The following PIK3R4 variants were observed in gnomAD, a reference collection of about 807,000 sequenced individuals.
PIK3R4 encodes phosphoinositide 3-kinase regulatory subunit 4.
In PIK3R4, 46 loss-of-function variants were observed where a neutral mutation model predicts 136.5. That is an observed-to-expected ratio of 0.34 (90% CI 0.27 to 0.43). The LOEUF (loss-of-function observed/expected upper bound fraction) is 0.43. PIK3R4 is among the 20% of genes least tolerant of loss of function. The pLI is 1.00. For synonymous variants in PIK3R4, 557 were observed against 566.7 expected, an observed-to-expected ratio of 0.98 and a Z score of 0.24; for missense variants, 1,331 against 1,649.5, an observed-to-expected ratio of 0.81 and a Z score of 3.35.
At position 130,744,751 on chromosome 3, in the gene PIK3R4, G is replaced by T; in HGVS notation, c.468C>A (p.Val156=). Residue 156 remains valine, a synonymous_variant, in exon 2 of 20, where the codon GTC becomes GTA. Transcript: ENST00000356763. ...HGDIKTENVM[V]TSWNWVLLTD... ...TTAGAAGAACCCAATTCCAACTGGT[G>T]ACCATCACATTCTCAGTCTTGATGT... The T allele has an allele frequency of 6.2e-7, 1 of 1,614,224 alleles. No individual in the cohort carries two copies.
At chr3:130,711,141 G>C (rs2107610260) in intron 9 of PIK3R4, among the ~76,000 whole-genome samples, 1 of 152,052 alleles carries the variant, frequency 6.6e-6, no homozygotes, top group East Asian at 1.9e-4. Context: ...TTCAGCTTCT[G>C]ACCATGATGA....
rs138415235 is a variant in PIK3R4, at chr3:130,689,450, A to G, written c.3263+1040T>C. 3.7e-3 allele frequency among the ~76,000 whole-genome samples: 564 copies of G among 152,338 alleles called. 1 individual carries two copies. Among genetic ancestry groups the G allele is most frequent in the African/African-American group, 0.013 (526 of 41,574 alleles). On this transcript the variant is annotated intron_variant, in intron 14 of 19. Coordinates refer to ENST00000356763, the MANE Select transcript of PIK3R4 (RefSeq NM_014602.3). ...AAAATAGGCTGGTATTTGTTATTAA[A>G]GGCCATAAAGAATATGTCCTGGACA...
In PIK3R4 at chr3:130,728,581, C is replaced by G. The variant is rs2066745601; in HGVS notation, c.1689G>C (p.Arg563=). ...KQTLMENGIT[R]LCVFFGRQKA... is the part of the protein sequence containing the mutation. ...TCTGACGTCCAAAGAATACACACAG[C>G]CGTGTTATTCCATTTTCCATCAAGG... The change falls in exon 6 of 20, where the codon CGG becomes CGC. Residue 563 remains arginine (R), a synonymous_variant. Coordinates refer to ENST00000356763, the MANE Select transcript of PIK3R4 (RefSeq NM_014602.3). The G allele has an allele frequency of 6.2e-7, 1 of 1,612,536 alleles. No individual in the cohort carries two copies. The highest frequency in any genetic ancestry group is 1.7e-5 in the Admixed American group (1 of 59,894).
rs1231883270 is a variant in PIK3R4 at position 130,723,839 on chromosome 3, GGAA to G, written c.1808-255_1808-253del. 14 of 318,768 alleles carry G rather than the reference GGAA, an allele frequency of 4.4e-5. No homozygotes were observed. In the South Asian group the frequency reaches 5.1e-4, roughly 12 times the overall value. The allele number at this position is 318,768 out of a possible 1,614,324, so 19.7% of individuals were successfully genotyped here. ...AATGAAAATATAGGTCTCCTAAAAA[GGAA>G]GAAGAATCAGACTGTAATTATATAA... On this transcript the variant is annotated intron_variant, in intron 6 of 19. Coordinates refer to ENST00000356763, the MANE Select transcript of PIK3R4 (RefSeq NM_014602.3).
intron 14 of PIK3R4, among the ~76,000 whole-genome samples, chr3:130,689,524 G>A (rs1428896961): frequency 6.6e-6 from 1 of 152,160 alleles, no homozygotes; most frequent in Non-Finnish European, 1.5e-5. Flanking sequence ...CTTTTTAAAT[G>A]CAAAAAGCAA....
chr3:130,718,542 G>A lies in PIK3R4; in HGVS notation c.1982-8C>T, dbSNP rs2066680026. On this transcript the variant is annotated splice_polypyrimidine_tract_variant and splice_region_variant and intron_variant, in intron 7 of 19. Coordinates refer to ENST00000356763, the MANE Select transcript of PIK3R4 (RefSeq NM_014602.3). ...GATGACACAGGAAGGGGGCTAAAGA[G>A]GAAAAGAAAAGGTAGGGATCAAATA... The A allele has an allele frequency of 6.2e-7, 1 of 1,612,974 alleles. No individual in the cohort carries two copies. The highest frequency in any genetic ancestry group is 1.3e-5 in the African/African-American group (1 of 74,936).
At chr3:130,692,550 A>C (rs951644597) in intron 13 of PIK3R4, among the ~76,000 whole-genome samples, 7 of 152,228 alleles carry the variant, frequency 4.6e-5, no homozygotes, top group African/African-American at 1.7e-4. Context: ...TTTTAGGCTT[A>C]ATATTATTCC....
Position 130,706,959 on chromosome 3 carries a change from T to A in PIK3R4, c.2710A>T (p.Thr904Ser). ...SSAGICVPLS[T>S]SSQVPEVTTV... ...GGGTGACACAGTACCTGTGAAGAAG[T>A]TGACAAAGGGACACAAATGCCAGCA... The change falls in exon 11 of 20, where the codon ACT (threonine) becomes TCT (serine). Residue 904 changes from threonine to serine, a missense_variant. Around this residue, in one of 2 missense-constraint regions of PIK3R4, gnomAD observed 1,180 missense variants for 1,407.0 expected, o/e 0.84. Transcript: ENST00000356763. 6.2e-7 allele frequency: 1 copy of A among 1,608,440 alleles called. No individual in the cohort carries two copies. Among genetic ancestry groups the A allele is most frequent in the South Asian group, 1.1e-5 (1 of 89,902 alleles).
intron 16 of PIK3R4, among the ~76,000 whole-genome samples, chr3:130,682,673 CCTT>C (rs2066466412): frequency 6.6e-6 from 1 of 152,186 alleles, no homozygotes. Context: ...TCCCCTCATG[CCTT>C]CTACTGCTAC....
chr3:130,735,971 A>G lies in PIK3R4; in HGVS notation c.765T>C (p.Gly255=), dbSNP rs769880499. 6.2e-7 allele frequency: 1 copy of G among 1,611,156 alleles called. No homozygotes were observed. The highest frequency in any genetic ancestry group is 8.5e-7 in the Non-Finnish European group (1 of 1,178,922). ...GCVIAELFTE[G]VPLFDLSQLL... is the part of the protein sequence containing the mutation. Reference sequence around the variant, plus strand: ...GTTGAGAGAGATCAAATAATGGTACACCTTCTGTAAAAAGCTCAGCTATCA... The same window carrying G: ...GTTGAGAGAGATCAAATAATGGTACGCCTTCTGTAAAAAGCTCAGCTATCA... The change falls in exon 3 of 20, where the codon GGT becomes GGC. Residue 255 remains glycine, a synonymous_variant. Coordinates refer to ENST00000356763, the MANE Select transcript of PIK3R4 (RefSeq NM_014602.3).
chr3:130,712,339 A>G (rs1465993867), intron 9 of PIK3R4, among the ~76,000 whole-genome samples: 2 of 152,154 alleles, frequency 1.3e-5, no homozygotes, highest in Non-Finnish European at 2.9e-5. Flanking sequence ...TGCAGAAGCT[A>G]AAAATATGGT....
chr3:130,687,924 C>G (rs867141868), intron 14 of PIK3R4, among the ~76,000 whole-genome samples: 7 of 152,118 alleles, frequency 4.6e-5, no homozygotes, highest in Non-Finnish European at 7.4e-5. Flanking sequence ...TATTTAGAAA[C>G]AAAAATCTAA....
chr3:130,745,512 A>G (rs2066847611), intron 1 of PIK3R4, among the ~76,000 whole-genome samples: 1 of 152,212 alleles, frequency 6.6e-6, no homozygotes, highest in Admixed American at 6.5e-5. Flanking sequence ...GCGCATCGCC[A>G]TTTCCAGGAG....
At position 130,723,523 on chromosome 3, in the gene PIK3R4, A is replaced by T. The variant is rs1014484860; in HGVS notation, c.1872T>A (p.Leu624=). The T allele has an allele frequency of 6.2e-7, 1 of 1,613,976 alleles. No homozygotes were observed. Among genetic ancestry groups the T allele is most frequent in the African/African-American group, 1.3e-5 (1 of 74,930 alleles). ...SILKPLLQQG[L]SDAEEFVIVK... is the part of the protein sequence containing the mutation. ...CAATGACAAATTCCTCAGCATCACT[A>T]AGACCTTGTTGCAGCAGAGGCTTGA... is the stretch of plus-strand genomic sequence containing the variant. The change falls in exon 7 of 20, where the codon CTT becomes CTA. Residue 624 remains leucine (L), a synonymous_variant. Coordinates refer to ENST00000356763, the MANE Select transcript of PIK3R4 (RefSeq NM_014602.3).
chr3:130,689,872 C>T (rs974793029), intron 14 of PIK3R4, among the ~76,000 whole-genome samples: 1 of 152,200 alleles, frequency 6.6e-6, no homozygotes, highest in Non-Finnish European at 1.5e-5. Flanking sequence ...GTGTGTAACA[C>T]ATATTGGTCA....
intron 7 of PIK3R4, among the ~76,000 whole-genome samples, chr3:130,720,301 C>T (rs2066692728): frequency 6.6e-6 from 1 of 152,036 alleles, no homozygotes; most frequent in Non-Finnish European, 1.5e-5. Flanking sequence ...ATTCAAGCAA[C>T]TCTCCCACCC....
At chr3:130,717,119 T>A (rs1019727855) in intron 8 of PIK3R4, among the ~76,000 whole-genome samples, 2 of 152,200 alleles carry the variant, frequency 1.3e-5, no homozygotes, top group Non-Finnish European at 2.9e-5. Context: ...ATAAAATGGA[T>A]GAGTACTGCT....
At chr3:130,710,754 C>T (rs77289247) in intron 9 of PIK3R4, among the ~76,000 whole-genome samples, 40 of 152,026 alleles carry the variant, frequency 2.6e-4, no homozygotes, top group African/African-American at 9.2e-4. Context: ...GTTCCATATA[C>T]CAGCTACAAA....
At chr3:130,680,274 G>T (rs943177163) in intron 19 of PIK3R4, among the ~76,000 whole-genome samples, 2 of 152,066 alleles carry the variant, frequency 1.3e-5, no homozygotes, top group African/African-American at 4.8e-5. Flanking sequence ...CCAAAGCCAG[G>T]TTTAAATCCC....
Sources: gnomAD v4.1 joint callset for allele counts (sites outside exome capture counted in the v4.1 genomes callset) on GRCh38, gnomAD v4.1.1 for gene constraint, gnomAD v4.1.1 regional missense constraint, MANE v1.5 for transcripts, NCBI Gene and HGNC (gene_info 2026-07-23, HGNC 2026-07-21) for gene names.